Variants in KIAA0586 observed in about 807,000 individuals in gnomAD.
The protein encoded by KIAA0586 is KIAA0586.
A neutral mutation model predicts 169.8 loss-of-function variants in KIAA0586; 144 were observed. The ratio of observed to expected loss-of-function variants is 0.85; its 90% CI spans 0.74 to 0.97. The LOEUF is 0.97. KIAA0586 is among the 50% of genes least tolerant of loss of function. The probability of loss-of-function intolerance (pLI) is 0.00; values close to 1 mark genes in which losing one functional copy is unlikely to be tolerated. For synonymous variants in KIAA0586, 625 were observed against 612.4 expected, an observed-to-expected ratio of 1.02 and a Z score of -0.30; for missense variants, 1,854 against 1,823.0, an observed-to-expected ratio of 1.02 and a Z score of -0.31.
At position 58,531,322 on chromosome 14, in the gene KIAA0586, G is replaced by A. The variant is rs190349631; in HGVS notation, c.4430-8749G>A. ...AGCCTGGGGGACAGACCGAGACTCCGTCTCAAAAAAAAAAAAAAATAAAAT... is the reference window on the plus strand; with the variant it reads ...AGCCTGGGGGACAGACCGAGACTCCATCTCAAAAAAAAAAAAAAATAAAAT... On this transcript the variant is annotated intron_variant, in intron 29 of 30. Coordinates refer to ENST00000652326, the MANE Select transcript of KIAA0586 (RefSeq NM_001329943.3). Among the ~76,000 whole-genome samples, 1,092 of 140,160 alleles carry A rather than the reference G, an allele frequency of 7.8e-3. 9 individuals carry two copies. Among genetic ancestry groups the A allele is most frequent in the Non-Finnish European group, 0.011 (728 of 65,820 alleles). The allele number at this position is 140,160 out of a possible 152,430, so 92.0% of individuals were successfully genotyped here.
At chr14:58,451,889 T>C (rs1471380938) in intron 8 of KIAA0586, among the ~76,000 whole-genome samples, 2 of 152,132 alleles carry the variant, frequency 1.3e-5, no homozygotes, top group African/African-American at 4.8e-5. Flanking sequence ...TTCACCATGT[T>C]AGCCAGGATG....
At chr14:58,534,591 C>A (rs1327169948) in intron 29 of KIAA0586, among the ~76,000 whole-genome samples, 1 of 152,086 alleles carries the variant, frequency 6.6e-6, no homozygotes, top group Non-Finnish European at 1.5e-5. Context: ...GAGAGTTAAA[C>A]TACAGCAACA....
chr14:58,448,514 A>G, intron 7 of KIAA0586, 21 bp downstream of exon 7: 1 of 1,541,316 alleles, frequency 6.5e-7, no homozygotes, highest in Non-Finnish European at 8.8e-7. Flanking sequence ...GTAGTTCTCT[A>G]TGAATAAAAA....
intron 6 of KIAA0586, among the ~76,000 whole-genome samples, chr14:58,445,457 G>C (rs750062436): frequency 6.8e-6 from 1 of 146,612 alleles, no homozygotes; most frequent in African/African-American, 2.5e-5. Context: ...TTTTTGAGAC[G>C]GAGTCTAACT....
At position 58,460,028 on chromosome 14, in the gene KIAA0586, G is replaced by A; in HGVS notation, c.1842G>A (p.Met614Ile). 5.2e-6 allele frequency: 8 copies of A among 1,533,876 alleles called. No homozygotes were observed. Among genetic ancestry groups the A allele is most frequent in the South Asian group, 1.2e-5 (1 of 83,818 alleles). Residue 614 changes from methionine (M) to isoleucine (I), a missense_variant, in exon 13 of 31, where the codon ATG becomes ATA. Physicochemically the swap from Met to Ile is conservative, Grantham distance 10. Coordinates refer to ENST00000652326, the MANE Select transcript of KIAA0586 (RefSeq NM_001329943.3). ...AAGAGCATTTTAGAAATCTACCTAT[G>A]AGGGGCATGCCTGCTTCAAGTTTAC... ...QIEEHFRNLP[M>I]RGMPASSLQK...
chr14:58,514,397 C>T (rs1284770218), intron 29 of KIAA0586, among the ~76,000 whole-genome samples: 1 of 151,960 alleles, frequency 6.6e-6, no homozygotes, highest in East Asian at 1.9e-4. Flanking sequence ...GAATTAAAAC[C>T]ACATCTTTTC....
chr14:58,432,598 C>T, intron 4 of KIAA0586, 141 bp downstream of exon 4: 2 of 521,646 alleles, frequency 3.8e-6, no homozygotes, highest in Non-Finnish European at 3.4e-6. Flanking sequence ...TGGTGCTAGA[C>T]ACGTATAAAA....
intron 30 of KIAA0586, among the ~76,000 whole-genome samples, chr14:58,542,124 A>G (rs1356852405): frequency 6.6e-6 from 1 of 152,092 alleles, no homozygotes; most frequent in African/African-American, 2.4e-5. Flanking sequence ...TTCCCAGTCT[A>G]AAGAGTTCTC....
intron 2 of KIAA0586, among the ~76,000 whole-genome samples, chr14:58,429,658 G>A (rs1388149619): frequency 6.6e-6 from 1 of 152,068 alleles, no homozygotes; most frequent in African/African-American, 2.4e-5. Flanking sequence ...GATAATGGCC[G>A]CTGAAAGAGA....
intron 30 of KIAA0586, among the ~76,000 whole-genome samples, chr14:58,541,256 T>C (rs893142094): frequency 6.6e-6 from 1 of 152,234 alleles, no homozygotes; most frequent in African/African-American, 2.4e-5. Context: ...GCTGAGGCTT[T>C]GTAGAATGCA....
intron 24 of KIAA0586, among the ~76,000 whole-genome samples, chr14:58,489,876 A>G (rs2042723371): frequency 6.6e-6 from 1 of 152,048 alleles, no homozygotes; most frequent in South Asian, 2.1e-4. Flanking sequence ...TAATTATATC[A>G]ACAGTATATG....
At position 58,428,365 on chromosome 14, in the gene KIAA0586, T is replaced by A; in HGVS notation, c.101T>A (p.Val34Asp). ...TCTCAAAATCATGGAGATCATTTGG[T>A]TTTGCTGAAAGATGAGTTGCCCTGT... ...VVSQNHGDHL[V>D]LLKDELPCVP... The change falls in exon 1 of 31, where the codon GTT becomes GAT. Residue 34 changes from valine to aspartate, a missense_variant. Val to Asp is a radical substitution (Grantham distance 152, BLOSUM62 -3). Transcript: ENST00000652326. 6.2e-7 allele frequency: 1 copy of A among 1,613,982 alleles called. No individual in the cohort carries two copies. The highest frequency in any genetic ancestry group is 8.5e-7 in the Non-Finnish European group (1 of 1,179,882).
chr14:58,487,315 A>G (rs1166081359), intron 22 of KIAA0586, 149 bp downstream of exon 22: 5 of 724,898 alleles, frequency 6.9e-6, no homozygotes, highest in East Asian at 5.7e-5. Flanking sequence ...TTAAAAGTCT[A>G]TAATTGAGGC....
intron 27 of KIAA0586, among the ~76,000 whole-genome samples, chr14:58,506,648 C>T (rs2141399073): frequency 6.7e-6 from 1 of 150,024 alleles, no homozygotes; most frequent in African/African-American, 2.5e-5. Context: ...GATTGCACCA[C>T]TGCACTCCAG....
chr14:58,448,178 C>T (rs2039063458), intron 6 of KIAA0586, among the ~76,000 whole-genome samples, 162 bp from the exon 7 acceptor site: 1 of 152,200 alleles, frequency 6.6e-6, no homozygotes, highest in Non-Finnish European at 1.5e-5. Flanking sequence ...CCAATGGCAT[C>T]ACTGCTGCTA....
At chr14:58,526,070 A>G (rs923366791) in intron 29 of KIAA0586, among the ~76,000 whole-genome samples, 2 of 152,226 alleles carry the variant, frequency 1.3e-5, no homozygotes, top group African/African-American at 2.4e-5. Flanking sequence ...TCAGGAGCTT[A>G]TAGATAAAAC....
At position 58,470,780 on chromosome 14, in the gene KIAA0586, C is replaced by T. The variant is rs1422747021; in HGVS notation, c.2553+57C>T. 7 of 788,376 alleles carry T rather than the reference C, an allele frequency of 8.9e-6. No homozygotes were observed. In the Middle Eastern group the frequency reaches 6.9e-4, roughly 77 times the overall value. 48.8% of individuals were successfully genotyped at this position (788,376 alleles called of 1,614,324 possible). ...AGTAATGTCTGACTGTAGATTTTAA[C>T]TAATTACTCCATTTAAAGCCTTTTA... On this transcript the variant is annotated intron_variant, in intron 17 of 30. Coordinates refer to ENST00000652326, the MANE Select transcript of KIAA0586 (RefSeq NM_001329943.3).
At chr14:58,538,756 C>T (rs1156683902) in intron 29 of KIAA0586, among the ~76,000 whole-genome samples, 2 of 151,422 alleles carry the variant, frequency 1.3e-5, no homozygotes, top group Non-Finnish European at 2.9e-5. Context: ...GGTAACCATC[C>T]TTCTACTGCC....
chr14:58,510,624 G>C (rs2044322383), intron 28 of KIAA0586, among the ~76,000 whole-genome samples: 1 of 152,112 alleles, frequency 6.6e-6, no homozygotes, highest in Admixed American at 6.6e-5. Flanking sequence ...TTCACTCCTA[G>C]TTTCTCAAGA....
Sources: allele counts gnomAD v4.1 joint callset (sites outside exome capture counted in the v4.1 genomes callset), GRCh38; gene constraint gnomAD v4.1.1; transcripts MANE v1.5; gene names NCBI Gene and HGNC (gene_info 2026-07-23, HGNC 2026-07-21).